Variants in SF3A3 observed in about 807,000 individuals in gnomAD.
SF3A3 encodes splicing factor 3a subunit 3.
Under a neutral mutation model 85.8 loss-of-function variants are expected in SF3A3, and 9 were observed. The observed-to-expected ratio is 0.10, with a 90% CI of 0.06 to 0.18. The LOEUF is 0.18. Ranked by LOEUF, SF3A3 falls within the 10% of genes least tolerant of loss-of-function variation. The pLI is 1.00. For synonymous variants in SF3A3, 195 were observed against 204.4 expected (o/e 0.95, Z 0.39); for missense variants, 306 against 593.3 (o/e 0.52, Z 5.03).
At chr1:37,976,680 T>C (rs72921891) in intron 12 of SF3A3, among the ~76,000 whole-genome samples, 4,351 of 152,228 alleles carry the variant, frequency 0.029, 172 homozygotes, top group African/African-American at 0.089. Flanking sequence ...TTTATGGGAA[T>C]TGGGCAACTT....
In SF3A3 at chr1:37,961,804, G is replaced by A. The variant is rs541675570; in HGVS notation, c.1373-1629C>T. Among the ~76,000 whole-genome samples, 8 of 126,660 alleles carry A rather than the reference G, an allele frequency of 6.3e-5. 1 individual carries two copies. In the Admixed American group the frequency reaches 6.6e-4, roughly 10 times the overall value. 83.1% of individuals were successfully genotyped at this position (126,660 alleles called of 152,430 possible). A position where few individuals can be genotyped will look rare whatever the true frequency, so the allele number is the denominator to read the frequency against. On this transcript the variant is annotated intron_variant, in intron 15 of 16. Coordinates refer to ENST00000373019, the MANE Select transcript of SF3A3 (RefSeq NM_006802.4). The stretch of plus-strand genomic sequence containing the variant: ...AAAAAGAAAGAAAGAAAAAAAGGCC[G>A]GGCGCGGTGTCTCACGCCTGTAATC...
At position 37,978,737 on chromosome 1, in the gene SF3A3, C is replaced by G; in HGVS notation, c.918G>C (p.Lys306Asn). ...CCACTCACCGCTTGGTGCCCTTTGA[C>G]TTGGGATTTTTGGCAAACAAAGAGG... is the stretch of plus-strand genomic sequence containing the variant. Reference protein sequence around the residue: ...LDTSLFAKNPKSKGTKRDTER... With the variant: ...LDTSLFAKNPNSKGTKRDTER... Residue 306 changes from lysine (K) to asparagine (N), a missense_variant, in exon 11 of 17, where the codon AAG becomes AAC. By Grantham distance (94) the Lys-to-Asn change is moderately conservative. Around this residue, in one of 4 missense-constraint regions of SF3A3, gnomAD observed 136 missense variants for 296.6 expected, o/e 0.46. Transcript: ENST00000373019. 6 of 1,563,304 alleles carry G rather than the reference C, an allele frequency of 3.8e-6. No homozygotes were observed. Among genetic ancestry groups the G allele is most frequent in the Non-Finnish European group, 5.2e-6 (6 of 1,152,420 alleles).
At chr1:37,974,458 A>G (rs894593367) in intron 12 of SF3A3, among the ~76,000 whole-genome samples, 1 of 151,954 alleles carries the variant, frequency 6.6e-6, no homozygotes, top group Admixed American at 6.6e-5. Flanking sequence ...GCCCGCCACT[A>G]TGCCTGGCTA....
At chr1:37,981,626 T>C (rs1382553318) in intron 7 of SF3A3, 103 bp downstream of exon 7, 1 of 764,622 alleles carries the variant, frequency 1.3e-6, no homozygotes, top group Non-Finnish European at 2.3e-6. Context: ...AAGTATGCCT[T>C]CATGTATGCC....
chr1:37,989,041 C>T (rs1044379258), intron 2 of SF3A3, among the ~76,000 whole-genome samples: 1 of 152,002 alleles, frequency 6.6e-6, no homozygotes, highest in Non-Finnish European at 1.5e-5. Context: ...CCTGTAATCT[C>T]AGCACTTTGG....
At chr1:37,977,909 C>T (rs55695556) in intron 11 of SF3A3, among the ~76,000 whole-genome samples, 43,220 of 151,634 alleles carry the variant, frequency 0.29, 6,156 homozygotes, top group Middle Eastern at 0.4. Flanking sequence ...CCCAGCTACT[C>T]GGGAGGCTGA....
chr1:37,966,206 AAAAT>A (rs1008201622), intron 15 of SF3A3, among the ~76,000 whole-genome samples: 8 of 150,258 alleles, frequency 5.3e-5, no homozygotes, highest in Non-Finnish European at 8.9e-5. Flanking sequence ...CTGTCTCAAA[AAAAT>A]AAATAAATAA....
intron 14 of SF3A3, 33 bp downstream of exon 14, chr1:37,969,321 A>G: frequency 6.7e-7 from 1 of 1,502,158 alleles, no homozygotes; most frequent in South Asian, 1.1e-5. Context: ...TTTTTACTTC[A>G]ATTCCCAGGA....
chr1:37,968,025 GTAAA>G lies in SF3A3; in HGVS notation c.1372+15_1372+18del. 6.6e-7 allele frequency: 1 copy of G among 1,526,716 alleles called. No homozygotes were observed. 94.6% of individuals were successfully genotyped at this position (1,526,716 alleles called of 1,614,324 possible). ...GCCATTTGTACTCGCCTAGGAGACA[GTAAA>G]TAAATCTTACTTACAGGAGACAGCA... On this transcript the variant is annotated intron_variant, in intron 15 of 16. Transcript: ENST00000373019.
intron 6 of SF3A3, among the ~76,000 whole-genome samples, chr1:37,983,922 G>A (rs528291144): frequency 2.0e-5 from 3 of 152,026 alleles, no homozygotes; most frequent in Non-Finnish European, 4.4e-5. Context: ...GGGCAACATG[G>A]TAAGACCTCA....
intron 11 of SF3A3, 91 bp from the exon 12 acceptor site, chr1:37,977,044 T>A: frequency 1.2e-6 from 1 of 863,652 alleles, no homozygotes; most frequent in Non-Finnish European, 2.0e-6. Context: ...CACAACTGCA[T>A]TAAAAATTAT....
At chr1:37,976,152 T>C (rs1206930583) in intron 12 of SF3A3, among the ~76,000 whole-genome samples, 7 of 12,130 alleles carry the variant, frequency 5.8e-4, no homozygotes, top group African/African-American at 2.0e-3. Flanking sequence ...CAAGACTCTG[T>C]CTCAAAAAAA....
At chr1:37,986,200 G>A (rs1242249203) in intron 4 of SF3A3, among the ~76,000 whole-genome samples, 3 of 151,864 alleles carry the variant, frequency 2.0e-5, no homozygotes, top group Non-Finnish European at 2.9e-5. Flanking sequence ...GACCCGCCTC[G>A]GCCTCCCAAA....
At chr1:37,988,307 G>GTACA (rs1221023027) in intron 2 of SF3A3, among the ~76,000 whole-genome samples, 1 of 152,194 alleles carries the variant, frequency 6.6e-6, no homozygotes, top group East Asian at 1.9e-4. Flanking sequence ...GATGGTACAG[G>GTACA]TACATAGTCC....
chr1:37,985,781 A>G (rs1557755852), intron 4 of SF3A3, among the ~76,000 whole-genome samples: 1 of 152,120 alleles, frequency 6.6e-6, no homozygotes, highest in Non-Finnish European at 1.5e-5. Flanking sequence ...CAAGGGGGCT[A>G]TGTGTGTGAG....
chr1:37,968,242 A>G, intron 14 of SF3A3, 108 bp from the exon 15 acceptor site: 1 of 714,560 alleles, frequency 1.4e-6, no homozygotes, highest in Non-Finnish European at 2.6e-6. Flanking sequence ...GCAAGACTCC[A>G]CCTAAAGGTA....
chr1:37,987,242 C>T (rs1646463726), intron 4 of SF3A3, among the ~76,000 whole-genome samples: 1 of 152,184 alleles, frequency 6.6e-6, no homozygotes, highest in South Asian at 2.1e-4. Context: ...CCATGCCTGG[C>T]TAATTTTTGT....
intron 15 of SF3A3, among the ~76,000 whole-genome samples, chr1:37,966,950 A>AAG (rs1315008934): frequency 7.6e-6 from 1 of 132,412 alleles, no homozygotes; most frequent in Non-Finnish European, 1.6e-5. Context: ...AAAAAAAAAA[A>AAG]AAAAAAAAAA....
intron 5 of SF3A3, 82 bp downstream of exon 5, chr1:37,984,625 C>G: frequency 3.2e-6 from 3 of 940,098 alleles, no homozygotes; most frequent in South Asian, 1.3e-5. Flanking sequence ...CTATAAATAT[C>G]TCTGAGGCCA....
Sources: allele counts gnomAD v4.1 joint callset (sites outside exome capture counted in the v4.1 genomes callset), GRCh38; gene constraint gnomAD v4.1.1; regional missense constraint gnomAD v4.1.1; transcripts MANE v1.5; gene names NCBI Gene and HGNC (gene_info 2026-07-23, HGNC 2026-07-21).